ADAMTS6: variants seen among roughly 807,000 people sequenced by gnomAD.
ADAMTS6 encodes the protein ADAM metallopeptidase with thrombospondin type 1 motif 6.
ADAMTS6 carries 23 observed loss-of-function variants against 144.3 expected under a neutral mutation model. The observed-to-expected ratio is 0.16, with a 90% CI of 0.11 to 0.23. The LOEUF is 0.23. Ranked by LOEUF, ADAMTS6 falls within the 10% of genes least tolerant of loss-of-function variation. The pLI, the probability that ADAMTS6 is intolerant of heterozygous loss-of-function variation, is 1.00. For missense variants in ADAMTS6, 999 were observed against 1,379.6 expected (o/e 0.72, Z 4.37); for synonymous variants, 444 against 457.5 (o/e 0.97, Z 0.38).
At chr5:65,423,936 T>C (rs1021872304) in intron 7 of ADAMTS6, among the ~76,000 whole-genome samples, 1 of 152,146 alleles carries the variant, frequency 6.6e-6, no homozygotes, top group Admixed American at 6.5e-5. Context: ...CTCATCAATA[T>C]GTATTGACTA....
At chr5:65,402,720 C>G (rs1029012802) in intron 7 of ADAMTS6, among the ~76,000 whole-genome samples, 2 of 152,028 alleles carry the variant, frequency 1.3e-5, no homozygotes, top group Admixed American at 6.6e-5. Context: ...CGCTGGATCC[C>G]TTCCCTTTAA....
Position 65,225,059 on chromosome 5 carries a change from G to A in ADAMTS6, c.2068-12C>T, listed in dbSNP as rs202025666. Reference sequence around the variant, plus strand: ...TCACAGCCTACGTGCTGAAAACAGAGAGGAATATTCAGTGTGTCAAGAGAG... The same window carrying A: ...TCACAGCCTACGTGCTGAAAACAGAAAGGAATATTCAGTGTGTCAAGAGAG... On this transcript the variant is annotated splice_polypyrimidine_tract_variant and intron_variant, in intron 16 of 24. Coordinates refer to ENST00000381055, the MANE Select transcript of ADAMTS6 (RefSeq NM_197941.4). The A allele has an allele frequency of 2.5e-6, 4 of 1,612,364 alleles. No homozygotes were observed. The South Asian group carries it at 3.3e-5, about 13-fold the overall frequency.
chr5:65,475,733 G>A (rs1319017923), intron 1 of ADAMTS6, among the ~76,000 whole-genome samples: 1 of 152,104 alleles, frequency 6.6e-6, no homozygotes, highest in African/African-American at 2.4e-5. Flanking sequence ...ATGGGAAATA[G>A]TAAACAATAT....
At chr5:65,462,941 A>G (rs1467268962) in intron 3 of ADAMTS6, among the ~76,000 whole-genome samples, 6 of 151,924 alleles carry the variant, frequency 3.9e-5, no homozygotes, top group Admixed American at 3.9e-4. Context: ...TTAGCCAGGC[A>G]TGGTGGCACA....
intron 7 of ADAMTS6, among the ~76,000 whole-genome samples, chr5:65,398,781 C>CGAGAAAGAAAGA (rs1156386169): frequency 1.3e-4 from 14 of 106,898 alleles, no homozygotes; most frequent in Non-Finnish European, 1.9e-4. Context: ...GAAGAGAGAG[C>CGAGAAAGAAAGA]AAGAAAGAAA....
chr5:65,397,289 T>C (rs915155792), intron 7 of ADAMTS6, among the ~76,000 whole-genome samples: 8 of 152,108 alleles, frequency 5.3e-5, no homozygotes, highest in African/African-American at 1.9e-4. Flanking sequence ...ATTTTCTTTA[T>C]TGACTTCCTG....
intron 24 of ADAMTS6, among the ~76,000 whole-genome samples, chr5:65,167,266 T>G (rs868145581): frequency 0.035 from 5,311 of 151,788 alleles, 285 homozygotes; most frequent in African/African-American, 0.12. Flanking sequence ...TCTACGCAAA[T>G]AAACTAGAAA....
chr5:65,214,701 C>A lies in ADAMTS6; in HGVS notation c.2575+93G>T, dbSNP rs1457742829. 5 of 1,583,186 alleles carry A rather than the reference C, an allele frequency of 3.2e-6. No individual in the cohort carries two copies. In the South Asian group the frequency reaches 4.5e-5, roughly 14 times the overall value. On this transcript the variant is annotated intron_variant, in intron 20 of 24. Coordinates refer to ENST00000381055, the MANE Select transcript of ADAMTS6 (RefSeq NM_197941.4). This position sits in a 1 kb window ranked among gnomAD's most constrained non-coding sequence, Gnocchi z 4.6. ...GAAGCAAACCTGCAAGAAATGTTTC[C>A]AATTAGCTTTTTTAACAAACACAAA...
intron 7 of ADAMTS6, among the ~76,000 whole-genome samples, chr5:65,447,418 T>C (rs895537039): frequency 2.6e-5 from 4 of 152,174 alleles, no homozygotes; most frequent in Non-Finnish European, 5.9e-5. Context: ...CATTTTACAA[T>C]GTTGAGATAT....
At chr5:65,260,055 GC>G (rs1385782602) in intron 14 of ADAMTS6, among the ~76,000 whole-genome samples, 1 of 152,156 alleles carries the variant, frequency 6.6e-6, no homozygotes, top group Non-Finnish European at 1.5e-5. Context: ...CAGAGGAAGA[GC>G]TAGTTTCCAT....
At chr5:65,226,515 A>G (rs1757738280) in intron 15 of ADAMTS6, among the ~76,000 whole-genome samples, 1 of 151,876 alleles carries the variant, frequency 6.6e-6, no homozygotes, top group African/African-American at 2.4e-5. Context: ...ATTCCATTAT[A>G]TATTTACAAT....
At chr5:65,317,735 A>G (rs1468203069) in intron 9 of ADAMTS6, among the ~76,000 whole-genome samples, 1 of 152,212 alleles carries the variant, frequency 6.6e-6, no homozygotes, top group Admixed American at 6.5e-5. Context: ...TAACTGGATT[A>G]AAAAATAGGC....
At chr5:65,259,464 A>G (rs1760978190) in intron 14 of ADAMTS6, among the ~76,000 whole-genome samples, 1 of 152,174 alleles carries the variant, frequency 6.6e-6, no homozygotes. Context: ...ATGTAAAAGA[A>G]CAACTAAAAT....
Position 65,214,523 on chromosome 5 carries a change from C to T in ADAMTS6, c.2575+271G>A. Reference sequence around the variant, plus strand: ...AATGTGTTCACGAAAGGCAAACAGCCCACCTTCAAGATAGTCTTGGGAGAA... The same window carrying T: ...AATGTGTTCACGAAAGGCAAACAGCTCACCTTCAAGATAGTCTTGGGAGAA... On this transcript the variant is annotated intron_variant, in intron 20 of 24. Transcript: ENST00000381055. This position sits in a 1 kb window ranked among gnomAD's most constrained non-coding sequence, Gnocchi z 4.6. 1 of 502,664 alleles carries T rather than the reference C, an allele frequency of 2.0e-6. No individual in the cohort carries two copies. The highest frequency in any genetic ancestry group is 2.1e-5 in the South Asian group (1 of 47,338). 31.1% of individuals were successfully genotyped at this position (502,664 alleles called of 1,614,324 possible). A position where few individuals can be genotyped will look rare whatever the true frequency, so the allele number is the denominator to read the frequency against.
intron 9 of ADAMTS6, among the ~76,000 whole-genome samples, chr5:65,318,728 T>C (rs1236348935): frequency 1.3e-5 from 2 of 151,798 alleles, no homozygotes; most frequent in African/African-American, 4.8e-5. Context: ...TTGCCAGAGG[T>C]TGGGAAGGTA....
chr5:65,252,394 A>T (rs1484265317), intron 14 of ADAMTS6, among the ~76,000 whole-genome samples: 1 of 151,538 alleles, frequency 6.6e-6, no homozygotes, highest in African/African-American at 2.4e-5. Context: ...GGCGCCCGCA[A>T]CCACGCCCGG....
chr5:65,433,380 A>C (rs1278408109), intron 7 of ADAMTS6, among the ~76,000 whole-genome samples: 1 of 152,154 alleles, frequency 6.6e-6, no homozygotes, highest in African/African-American at 2.4e-5. Flanking sequence ...GTTCAGCCCC[A>C]AATACCAACA....
intron 24 of ADAMTS6, among the ~76,000 whole-genome samples, chr5:65,160,194 T>C (rs1159799029): frequency 6.6e-6 from 1 of 152,204 alleles, no homozygotes; most frequent in African/African-American, 2.4e-5. Context: ...GAAGTGGTTT[T>C]TCAGTAGCCT....
intron 24 of ADAMTS6, among the ~76,000 whole-genome samples, chr5:65,157,207 C>T (rs1752479809): frequency 6.6e-6 from 1 of 152,192 alleles, no homozygotes; most frequent in African/African-American, 2.4e-5. Context: ...AATTAGACAA[C>T]CTGTTTCATA....
Sources: gnomAD v4.1 joint callset for allele counts (sites outside exome capture counted in the v4.1 genomes callset) on GRCh38, gnomAD v4.1.1 for gene constraint, Gnocchi (gnomAD v3.1) non-coding constraint, MANE v1.5 for transcripts, NCBI Gene and HGNC (gene_info 2026-07-23, HGNC 2026-07-21) for gene names.